The following EIF5A2 variants were observed in gnomAD, a reference collection of about 807,000 sequenced individuals.
The protein encoded by EIF5A2 is eukaryotic translation initiation factor 5A2.
Under a neutral mutation model 16.4 loss-of-function variants are expected in EIF5A2, and 15 were observed. The ratio of observed to expected loss-of-function variants is 0.92; its 90% CI spans 0.61 to 1.41. EIF5A2 has a LOEUF of 1.41. EIF5A2 is among the 40% of genes most tolerant of loss of function. The pLI is 0.00. For missense variants in EIF5A2, 144 were observed against 189.5 expected (o/e 0.76, Z 1.41); for synonymous variants, 48 against 61.1 (o/e 0.79, Z 1.00).
intron 1 of EIF5A2, 59 bp from the exon 2 acceptor site, chr3:170,907,900 C>G: frequency 7.6e-7 from 1 of 1,314,550 alleles, no homozygotes; most frequent in South Asian, 1.7e-5. Flanking sequence ...GGAAACGTCT[C>G]ATTTCGGACA....
rs1037679952 is a variant in EIF5A2 at position 170,891,157 on chromosome 3, T to C, written c.*2203A>G. 6.6e-6 allele frequency: 1 copy of C among 152,460 alleles called. No individual in the cohort carries two copies. Among genetic ancestry groups the C allele is most frequent in the Admixed American group, 6.5e-5 (1 of 15,278 alleles). 9.4% of individuals were successfully genotyped at this position (152,460 alleles called of 1,614,324 possible). A position where few individuals can be genotyped will look rare whatever the true frequency, so the allele number is the denominator to read the frequency against. On this transcript the variant is annotated 3_prime_UTR_variant, in exon 5 of 5. Transcript: ENST00000295822. ...CAGGGGCATGCTAATTGAGAGTTAA[T>C]ACTGAATCATAACACCAGCATGGTT... is the stretch of plus-strand genomic sequence containing the variant.
At chr3:170,899,429 AT>A (rs1474201817) in intron 3 of EIF5A2, among the ~76,000 whole-genome samples, 12 of 151,442 alleles carry the variant, frequency 7.9e-5, no homozygotes, top group African/African-American at 2.7e-4. Flanking sequence ...TTTAATTTTT[AT>A]TTTTTGTAGA....
chr3:170,895,964 T>C (rs2108292912), intron 3 of EIF5A2, among the ~76,000 whole-genome samples: 1 of 152,332 alleles, frequency 6.6e-6, no homozygotes, highest in South Asian at 2.1e-4. Context: ...TGTGCACCAA[T>C]GCACCTAGCT....
intron 3 of EIF5A2, among the ~76,000 whole-genome samples, chr3:170,897,074 C>T (rs990709008): frequency 2.6e-5 from 4 of 152,118 alleles, no homozygotes; most frequent in Non-Finnish European, 5.9e-5. Flanking sequence ...GGTTACCTGG[C>T]ATAAGAAATT....
chr3:170,894,197 A>C, intron 4 of EIF5A2, 95 bp downstream of exon 4: 1 of 1,365,450 alleles, frequency 7.3e-7, no homozygotes, highest in South Asian at 1.4e-5. Context: ...CAGTATTTTT[A>C]AACCACATTC....
In EIF5A2 at chr3:170,906,513, T is replaced by C. The variant is rs1712939940; in HGVS notation, c.270+476A>G. ...CTTTATATTTATGGCTTTCAACTTA[T>C]TTCTCTACTTAAGAATGTCAAGTTC... On this transcript the variant is annotated intron_variant, in intron 3 of 4. Coordinates refer to ENST00000295822, the MANE Select transcript of EIF5A2 (RefSeq NM_020390.6). 2.0e-5 allele frequency among the ~76,000 whole-genome samples: 3 copies of C among 152,202 alleles called. No homozygotes were observed. The South Asian group carries it at 6.2e-4, about 31-fold the overall frequency.
intron 2 of EIF5A2, 37 bp downstream of exon 2, chr3:170,907,605 A>G: frequency 6.5e-7 from 1 of 1,533,794 alleles, no homozygotes. Flanking sequence ...CAAAGTCCCA[A>G]CGCCGAAGCC....
In EIF5A2 at chr3:170,892,866, A is replaced by G. The variant is rs1198170571; in HGVS notation, c.*494T>C. 2.5e-6 allele frequency: 1 copy of G among 398,880 alleles called. No individual in the cohort carries two copies. Among genetic ancestry groups the G allele is most frequent in the Admixed American group, 4.4e-5 (1 of 22,712 alleles). 24.7% of individuals were successfully genotyped at this position (398,880 alleles called of 1,614,324 possible). A position where few individuals can be genotyped will look rare whatever the true frequency, so the allele number is the denominator to read the frequency against. ...AAAATAACTGACAGTTTTTGATAACATGATTTTTGTTTAAGGATTTGTGTT... is the reference window on the plus strand; with the variant it reads ...AAAATAACTGACAGTTTTTGATAACGTGATTTTTGTTTAAGGATTTGTGTT... On this transcript the variant is annotated 3_prime_UTR_variant, in exon 5 of 5. Transcript: ENST00000295822.
rs1553777074 is a variant in EIF5A2 at position 170,907,813 on chromosome 3, CA to C, written c.-8del. On this transcript the variant is annotated 5_prime_UTR_variant, in exon 2 of 5. Coordinates refer to ENST00000295822, the MANE Select transcript of EIF5A2 (RefSeq NM_020390.6). ...AATCAATTTCGTCTGCCATGGTGGGCAGGGGAGATGGTAGTTTTTCCGTGGG... is the reference window on the plus strand; with the variant it reads ...AATCAATTTCGTCTGCCATGGTGGGCGGGGAGATGGTAGTTTTTCCGTGGG... The C allele has an allele frequency of 6.6e-7, 1 of 1,525,972 alleles. No individual in the cohort carries two copies. Among genetic ancestry groups the C allele is most frequent in the Non-Finnish European group, 8.9e-7 (1 of 1,121,964 alleles). 94.5% of individuals were successfully genotyped at this position (1,525,972 alleles called of 1,614,324 possible).
At chr3:170,895,386 G>T (rs1009325377) in intron 3 of EIF5A2, among the ~76,000 whole-genome samples, 9 of 150,736 alleles carry the variant, frequency 6.0e-5, no homozygotes, top group Middle Eastern at 3.5e-3. Flanking sequence ...GCACGGTTTT[G>T]ATACCACTGA....
intron 3 of EIF5A2, 74 bp from the exon 4 acceptor site, chr3:170,894,497 T>C: frequency 2.2e-6 from 3 of 1,347,058 alleles, no homozygotes; most frequent in Non-Finnish European, 3.1e-6. Flanking sequence ...ATAGTTAAAT[T>C]GCAATTGATA....
chr3:170,895,508 C>T (rs898503008), intron 3 of EIF5A2, among the ~76,000 whole-genome samples: 16 of 152,130 alleles, frequency 1.1e-4, no homozygotes, highest in African/African-American at 3.6e-4. Context: ...TTATAAAAGG[C>T]TACCATCCAG....
chr3:170,892,477 A>C lies in EIF5A2; in HGVS notation c.*883T>G. The stretch of plus-strand genomic sequence containing the variant: ...AGTTGGAAAGGAGTATTTACTGATA[A>C]ATATTACTATTTATTCAACATAGTT... On this transcript the variant is annotated 3_prime_UTR_variant, in exon 5 of 5. Coordinates refer to ENST00000295822, the MANE Select transcript of EIF5A2 (RefSeq NM_020390.6). 3.7e-6 allele frequency: 1 copy of C among 271,418 alleles called. No individual in the cohort carries two copies. The highest frequency in any genetic ancestry group is 6.1e-5 in the East Asian group (1 of 16,382). The allele number at this position is 271,418 out of a possible 1,614,324, so 16.8% of individuals were successfully genotyped here.
chr3:170,895,654 C>T (rs1304112600), intron 3 of EIF5A2, among the ~76,000 whole-genome samples: 7 of 152,154 alleles, frequency 4.6e-5, no homozygotes, highest in African/African-American at 1.4e-4. Flanking sequence ...CTGCCTATGG[C>T]TCTCCACAGA....
In EIF5A2 at chr3:170,892,724, G is replaced by A. The variant is rs1712567038; in HGVS notation, c.*636C>T. ...TAACTAACTTTCACCCAACAGTTCA[G>A]TGCCCTTCTGCCAACCATAAGAAGG... On this transcript the variant is annotated 3_prime_UTR_variant, in exon 5 of 5. Coordinates refer to ENST00000295822, the MANE Select transcript of EIF5A2 (RefSeq NM_020390.6). 2 of 398,470 alleles carry A rather than the reference G, an allele frequency of 5.0e-6. No individual in the cohort carries two copies. The highest frequency in any genetic ancestry group is 8.8e-6 in the Non-Finnish European group (2 of 226,028). 24.7% of individuals were successfully genotyped at this position (398,470 alleles called of 1,614,324 possible).
chr3:170,895,814 G>T (rs1292189069), intron 3 of EIF5A2, among the ~76,000 whole-genome samples: 2 of 152,138 alleles, frequency 1.3e-5, no homozygotes, highest in East Asian at 3.8e-4. Context: ...GGAGCAAGGA[G>T]GTTGAGGTAG....
intron 3 of EIF5A2, among the ~76,000 whole-genome samples, chr3:170,904,592 T>A (rs1383150178): frequency 6.6e-6 from 1 of 151,934 alleles, no homozygotes; most frequent in African/African-American, 2.4e-5. Context: ...CTCCCAAGGC[T>A]CAAGTGATCC....
At chr3:170,901,077 C>T (rs1372498747) in intron 3 of EIF5A2, among the ~76,000 whole-genome samples, 1 of 152,112 alleles carries the variant, frequency 6.6e-6, no homozygotes, top group African/African-American at 2.4e-5. Context: ...ATCTTACTAC[C>T]AAGTTTCAGG....
chr3:170,905,131 T>A (rs968780553), intron 3 of EIF5A2, among the ~76,000 whole-genome samples: 30 of 152,226 alleles, frequency 2.0e-4, no homozygotes, highest in Admixed American at 2.6e-4. Flanking sequence ...TGCAATATTT[T>A]AAAAAATTAG....
Sources: allele counts gnomAD v4.1 joint callset (sites outside exome capture counted in the v4.1 genomes callset), GRCh38; gene constraint gnomAD v4.1.1; transcripts MANE v1.5; gene names NCBI Gene and HGNC (gene_info 2026-07-23, HGNC 2026-07-21).